Variants in EYA2 observed in about 807,000 individuals in gnomAD.
EYA2 encodes protein phosphatase EYA2.
Under a neutral mutation model 69.2 loss-of-function variants are expected in EYA2, and 31 were observed. The observed-to-expected ratio is 0.45, with a 90% confidence interval of 0.34 to 0.60. The LOEUF (loss-of-function observed/expected upper bound fraction) is 0.60. Among genes scored for constraint, EYA2 ranks in the 20% least tolerant of loss-of-function variants. EYA2 has a pLI of 0.02. For missense variants in EYA2, 622 were observed against 701.2 expected (o/e 0.89, Z 1.28); for synonymous variants, 257 against 279.4 (o/e 0.92, Z 0.80).
At chr20:47,172,937 C>A in intron 12 of EYA2, 70 bp downstream of exon 12, 1 of 1,511,242 alleles carries the variant, frequency 6.6e-7, no homozygotes, top group Non-Finnish European at 8.9e-7. Flanking sequence ...AGTGTCCCTG[C>A]TGTGCCAGGC....
chr20:47,041,244 C>G (rs892019959), intron 5 of EYA2, among the ~76,000 whole-genome samples: 5 of 152,210 alleles, frequency 3.3e-5, no homozygotes, highest in African/African-American at 1.2e-4. Flanking sequence ...ACTGGCAACT[C>G]CAACCTGCCA....
At chr20:47,004,540 C>G (rs1322480022) in intron 3 of EYA2, among the ~76,000 whole-genome samples, 1 of 152,228 alleles carries the variant, frequency 6.6e-6, no homozygotes, top group Non-Finnish European at 1.5e-5. Flanking sequence ...GCAGCTCTCT[C>G]TCCTCCACAA....
intron 1 of EYA2, among the ~76,000 whole-genome samples, chr20:46,926,928 G>T (rs1985440315): frequency 2.6e-5 from 4 of 152,124 alleles, no homozygotes; most frequent in Non-Finnish European, 4.4e-5. Flanking sequence ...TAGTTATTCT[G>T]GGGGAAAGCA....
At chr20:47,066,972 C>G (rs927533152) in intron 5 of EYA2, among the ~76,000 whole-genome samples, 6 of 152,166 alleles carry the variant, frequency 3.9e-5, no homozygotes, top group African/African-American at 1.4e-4. Context: ...TCAGGGGCCA[C>G]GTGCCCCCTT....
At chr20:46,913,014 A>G (rs1297209213) in intron 1 of EYA2, among the ~76,000 whole-genome samples, 1 of 152,162 alleles carries the variant, frequency 6.6e-6, no homozygotes, top group African/African-American at 2.4e-5. Context: ...TTTTAATTTT[A>G]AATAGGGTGG....
At chr20:47,006,366 C>T (rs529095531) in intron 4 of EYA2, among the ~76,000 whole-genome samples, 1 of 152,330 alleles carries the variant, frequency 6.6e-6, no homozygotes, top group East Asian at 1.9e-4. Flanking sequence ...TACAGATAGC[C>T]ACTCCACGTG....
intron 9 of EYA2, among the ~76,000 whole-genome samples, chr20:47,139,147 T>G (rs1399742133): frequency 6.6e-6 from 1 of 152,244 alleles, no homozygotes; most frequent in East Asian, 1.9e-4. Context: ...TCTTTTGCTA[T>G]TTACTAACAA....
At chr20:47,129,216 C>G (rs1444848709) in intron 9 of EYA2, among the ~76,000 whole-genome samples, 1 of 152,104 alleles carries the variant, frequency 6.6e-6, no homozygotes, top group Non-Finnish European at 1.5e-5. Context: ...AGTTTGCCTC[C>G]TACTTAGAGG....
intron 1 of EYA2, among the ~76,000 whole-genome samples, chr20:46,902,633 T>C (rs1984167571): frequency 6.6e-6 from 1 of 152,244 alleles, no homozygotes; most frequent in South Asian, 2.1e-4. Flanking sequence ...CCTTTTCCAC[T>C]TGCATTGCCT....
At chr20:47,162,651 T>C (rs2146636309) in intron 10 of EYA2, among the ~76,000 whole-genome samples, 1 of 151,330 alleles carries the variant, frequency 6.6e-6, no homozygotes, top group South Asian at 2.1e-4. Flanking sequence ...CCCAAGTAGC[T>C]ACAACTGTAG....
chr20:46,972,754 C>A (rs1158563169), intron 1 of EYA2, among the ~76,000 whole-genome samples: 1 of 152,038 alleles, frequency 6.6e-6, no homozygotes, highest in East Asian at 1.9e-4. Context: ...CACCTGGGCA[C>A]CTGAGGTAGC....
chr20:47,156,119 CACACACACATATATATATATATATATAT>C (rs2033931034), intron 10 of EYA2, among the ~76,000 whole-genome samples: 3 of 24,574 alleles, frequency 1.2e-4, no homozygotes, highest in African/African-American at 3.2e-4. Context: ...CACACACACA[CACACACACATATATATATATATATATAT>C]ATATATATAT....
intron 1 of EYA2, among the ~76,000 whole-genome samples, chr20:46,971,389 G>A (rs560750719): frequency 2.8e-4 from 43 of 152,290 alleles, no homozygotes; most frequent in African/African-American, 9.1e-4. Context: ...ATCACATGAC[G>A]TTCTATCCAA....
At chr20:47,013,694 A>G (rs1475483805) in intron 4 of EYA2, among the ~76,000 whole-genome samples, 2 of 149,068 alleles carry the variant, frequency 1.3e-5, no homozygotes, top group Non-Finnish European at 2.9e-5. Flanking sequence ...CAGGAAAGGC[A>G]GTGAGGTCGG....
chr20:47,177,410 C>G (rs2034447724), intron 12 of EYA2, among the ~76,000 whole-genome samples: 1 of 152,184 alleles, frequency 6.6e-6, no homozygotes, highest in South Asian at 2.1e-4. Flanking sequence ...CCTCACCCAG[C>G]CAAAATCAGG....
At chr20:47,057,048 G>A (rs1348871228) in intron 5 of EYA2, among the ~76,000 whole-genome samples, 2 of 122,568 alleles carry the variant, frequency 1.6e-5, no homozygotes, top group Non-Finnish European at 3.2e-5. Context: ...ACTGTTGAAA[G>A]AAAGAAAGGG....
At chr20:47,146,575 A>C (rs1246050900) in intron 10 of EYA2, among the ~76,000 whole-genome samples, 1 of 152,214 alleles carries the variant, frequency 6.6e-6, no homozygotes, top group Non-Finnish European at 1.5e-5. Context: ...AATTGAAACC[A>C]CGTTATACGA....
At chr20:46,924,177 T>C (rs1194156902) in intron 1 of EYA2, among the ~76,000 whole-genome samples, 1 of 152,216 alleles carries the variant, frequency 6.6e-6, no homozygotes, top group African/African-American at 2.4e-5. Flanking sequence ...TAACTTGTTT[T>C]AGGAAGTGAG....
chr20:47,051,387 G>A lies in EYA2; in HGVS notation c.416-20798G>A, dbSNP rs538218561. Among the ~76,000 whole-genome samples the A allele has an allele frequency of 5.3e-5, 8 of 152,298 alleles. No individual in the cohort carries two copies. In the East Asian group the frequency reaches 9.6e-4, roughly 18 times the overall value. ...AGCTGGGTTAAGTCAAATACCCACC[G>A]AAACTATGAATGAACCTTCCAGTAG... On this transcript the variant is annotated intron_variant, in intron 5 of 15. Transcript: ENST00000327619.
Sources: gnomAD v4.1 joint callset for allele counts (sites outside exome capture counted in the v4.1 genomes callset) on GRCh38, gnomAD v4.1.1 for gene constraint, MANE v1.5 for transcripts, NCBI Gene and HGNC (gene_info 2026-07-23, HGNC 2026-07-21) for gene names.